The following HCN1 variants were observed in gnomAD, a reference collection of about 807,000 sequenced individuals.
The protein encoded by HCN1 is hyperpolarization activated cyclic nucleotide gated potassium channel 1.
In HCN1, 13 loss-of-function variants were observed where a neutral mutation model predicts 78.9. That is an observed-to-expected ratio of 0.16 (90% confidence interval 0.11 to 0.26). HCN1 has a LOEUF of 0.26. Ranked by LOEUF, HCN1 falls within the 10% of genes least tolerant of loss-of-function variation. The pLI is 1.00. For synonymous variants in HCN1, 552 were observed against 455.5 expected (o/e 1.21, Z -2.70); for missense variants, 810 against 1,154.3 (o/e 0.70, Z 4.32).
At chr5:45,582,097 T>G (rs947518314) in intron 2 of HCN1, among the ~76,000 whole-genome samples, 1 of 152,184 alleles carries the variant, frequency 6.6e-6, no homozygotes, top group Non-Finnish European at 1.5e-5. Flanking sequence ...ATTGAATCTA[T>G]AAATTACCTT....
chr5:45,410,502 G>A (rs1740002775), intron 3 of HCN1, among the ~76,000 whole-genome samples: 2 of 151,944 alleles, frequency 1.3e-5, no homozygotes, highest in Admixed American at 1.3e-4. Flanking sequence ...GAACATGAAT[G>A]ACGTCAGTTA....
chr5:45,657,038 G>A (rs1561234437), intron 1 of HCN1, among the ~76,000 whole-genome samples: 3 of 152,094 alleles, frequency 2.0e-5, no homozygotes, highest in Non-Finnish European at 4.4e-5. Context: ...AATGGGTGAT[G>A]TGTCAAGGAA....
rs113889533 is a variant in HCN1, at chr5:45,324,510, G to A, written c.1378-20671C>T. Among the ~76,000 whole-genome samples the A allele has an allele frequency of 2.6e-5, 4 of 152,070 alleles. 1 individual carries two copies. Among genetic ancestry groups the A allele is most frequent in the African/African-American group, 9.6e-5 (4 of 41,520 alleles). ...TAAAAGTCAGGAAACAACAGCTGCTGGAGAGGATGTGGAGAAATAGGAACA... is the reference window on the plus strand; with the variant it reads ...TAAAAGTCAGGAAACAACAGCTGCTAGAGAGGATGTGGAGAAATAGGAACA... On this transcript the variant is annotated intron_variant, in intron 5 of 7. Coordinates refer to ENST00000303230, the MANE Select transcript of HCN1 (RefSeq NM_021072.4).
intron 4 of HCN1, among the ~76,000 whole-genome samples, chr5:45,363,219 C>T (rs1451131140): frequency 1.3e-5 from 2 of 148,456 alleles, no homozygotes; most frequent in Non-Finnish European, 3.0e-5. Context: ...TCCCATACAA[C>T]GCGTCTTTCC....
rs35781186 is a variant in HCN1 at position 45,492,392 on chromosome 5, AATATATATAT to A, written c.850-30395_850-30386del. On this transcript the variant is annotated intron_variant, in intron 2 of 7. Coordinates refer to ENST00000303230, the MANE Select transcript of HCN1 (RefSeq NM_021072.4). ...AGAGGATCTTAGACTTCTTTAAATG[AATATATATAT>A]ATATATATATATATATATATAAAAT... Among the ~76,000 whole-genome samples, 106 of 121,376 alleles carry A rather than the reference AATATATATAT, an allele frequency of 8.7e-4. 3 individuals carry two copies. The highest frequency in any genetic ancestry group is 2.6e-3 in the African/African-American group (80 of 30,904). 79.6% of individuals were successfully genotyped at this position (121,376 alleles called of 152,430 possible). A position where few individuals can be genotyped will look rare whatever the true frequency, so the allele number is the denominator to read the frequency against.
chr5:45,583,010 G>T (rs1273785824), intron 2 of HCN1, among the ~76,000 whole-genome samples: 1 of 151,972 alleles, frequency 6.6e-6, no homozygotes, highest in Non-Finnish European at 1.5e-5. Context: ...TCTCTGCCAG[G>T]GTTTGGTATC....
chr5:45,275,465 T>G (rs147222468), intron 6 of HCN1, among the ~76,000 whole-genome samples: 1 of 152,254 alleles, frequency 6.6e-6, no homozygotes, highest in Non-Finnish European at 1.5e-5. Flanking sequence ...ACATGATTGT[T>G]TGATTTTGTT....
At chr5:45,369,628 A>G (rs994726055) in intron 4 of HCN1, among the ~76,000 whole-genome samples, 4 of 152,114 alleles carry the variant, frequency 2.6e-5, no homozygotes, top group African/African-American at 9.7e-5. Flanking sequence ...CAGTGGTAAG[A>G]AATTTAAAAC....
chr5:45,420,707 T>A (rs187515795), intron 3 of HCN1, among the ~76,000 whole-genome samples: 1 of 151,832 alleles, frequency 6.6e-6, no homozygotes, highest in Non-Finnish European at 1.5e-5. Flanking sequence ...ATCACTGTTA[T>A]ACACACACAC....
chr5:45,286,983 C>G (rs1228033398), intron 6 of HCN1, among the ~76,000 whole-genome samples: 1 of 151,862 alleles, frequency 6.6e-6, no homozygotes, highest in East Asian at 1.9e-4. Flanking sequence ...GGAGAAGTGT[C>G]TCCATGGATA....
At chr5:45,281,304 C>T (rs1745159528) in intron 6 of HCN1, among the ~76,000 whole-genome samples, 1 of 151,838 alleles carries the variant, frequency 6.6e-6, no homozygotes, top group Non-Finnish European at 1.5e-5. Flanking sequence ...GTGTGTATTA[C>T]TTCCCCCTTC....
chr5:45,515,192 C>T (rs544175591), intron 2 of HCN1, among the ~76,000 whole-genome samples: 2 of 152,042 alleles, frequency 1.3e-5, no homozygotes, highest in East Asian at 3.9e-4. Context: ...ACTTCTACAT[C>T]AGATTCTGAG....
intron 2 of HCN1, among the ~76,000 whole-genome samples, chr5:45,546,439 C>G (rs1036255617): frequency 1.3e-5 from 2 of 151,810 alleles, no homozygotes; most frequent in Non-Finnish European, 2.9e-5. Flanking sequence ...TATCCAAATT[C>G]TGGACCATTT....
At chr5:45,474,636 T>C (rs951075000) in intron 2 of HCN1, among the ~76,000 whole-genome samples, 5 of 151,964 alleles carry the variant, frequency 3.3e-5, no homozygotes, top group Admixed American at 6.6e-5. Flanking sequence ...AGACTCTTCA[T>C]GATGTAGTCA....
intron 2 of HCN1, among the ~76,000 whole-genome samples, chr5:45,495,510 TG>T (rs1742006465): frequency 6.6e-6 from 1 of 151,858 alleles, no homozygotes; most frequent in Non-Finnish European, 1.5e-5. Context: ...GCTGAGACAA[TG>T]GGGTTTTCTA....
intron 2 of HCN1, among the ~76,000 whole-genome samples, chr5:45,544,764 A>G (rs1422749194): frequency 6.6e-6 from 1 of 152,026 alleles, no homozygotes; most frequent in Non-Finnish European, 1.5e-5. Flanking sequence ...CCATGTCCCT[A>G]CAAAGGACAT....
At chr5:45,392,741 G>A (rs183091628) in intron 4 of HCN1, among the ~76,000 whole-genome samples, 30 of 150,790 alleles carry the variant, frequency 2.0e-4, no homozygotes, top group East Asian at 3.9e-4. Flanking sequence ...AGCCAAGATC[G>A]CGCCACAGCA....
intron 2 of HCN1, among the ~76,000 whole-genome samples, chr5:45,564,870 T>A (rs113062767): frequency 3.6e-4 from 55 of 152,272 alleles, no homozygotes; most frequent in Non-Finnish European, 6.0e-4. Context: ...AAAAAAAGCA[T>A]AAAGGGATTC....
chr5:45,518,578 A>G (rs754309431), intron 2 of HCN1, among the ~76,000 whole-genome samples: 15 of 152,074 alleles, frequency 9.9e-5, no homozygotes, highest in Non-Finnish European at 1.8e-4. Context: ...AGGAGGCCCA[A>G]CGACGTAAAT....
Sources: allele counts gnomAD v4.1 joint callset (sites outside exome capture counted in the v4.1 genomes callset), GRCh38; gene constraint gnomAD v4.1.1; transcripts MANE v1.5; gene names NCBI Gene and HGNC (gene_info 2026-07-23, HGNC 2026-07-21).